TTC3: variants seen among roughly 807,000 people sequenced by gnomAD.
TTC3 encodes E3 ubiquitin-protein ligase TTC3.
Under a neutral mutation model 249.6 loss-of-function variants are expected in TTC3, and 180 were observed. That is an observed-to-expected ratio of 0.72 (90% CI 0.64 to 0.82). TTC3 has a LOEUF of 0.82. Ranked by LOEUF, TTC3 falls within the 40% of genes least tolerant of loss-of-function variation. The pLI, the probability that TTC3 is intolerant of heterozygous loss-of-function variation, is 0.00. For synonymous variants in TTC3, 717 were observed against 805.0 expected, an observed-to-expected ratio of 0.89 and a Z score of 1.85; for missense variants, 2,061 against 2,398.4, an observed-to-expected ratio of 0.86 and a Z score of 2.94.
chr21:37,116,562 A>G (rs1288939613), intron 11 of TTC3, among the ~76,000 whole-genome samples: 2 of 152,072 alleles, frequency 1.3e-5, no homozygotes, highest in Non-Finnish European at 2.9e-5. Flanking sequence ...TAATCCTAGC[A>G]CTTCAGGAGG....
At chr21:37,189,867 G>A (rs2083799535) in intron 39 of TTC3, among the ~76,000 whole-genome samples, 2 of 140,188 alleles carry the variant, frequency 1.4e-5, no homozygotes, top group African/African-American at 5.4e-5. Context: ...GAGCCACCAC[G>A]CCGGCCGGCC....
At chr21:37,102,832 AC>A (rs780158815) in intron 10 of TTC3, among the ~76,000 whole-genome samples, 3 of 152,166 alleles carry the variant, frequency 2.0e-5, no homozygotes, top group Non-Finnish European at 4.4e-5. Flanking sequence ...CCCTGTCTGT[AC>A]TAAAAATACA....
intron 35 of TTC3, among the ~76,000 whole-genome samples, chr21:37,182,561 A>G (rs1418053015): frequency 1.3e-5 from 2 of 152,168 alleles, no homozygotes; most frequent in Non-Finnish European, 2.9e-5. Context: ...AATCAGGTAC[A>G]CGTAGCGGGT....
chr21:37,190,130 CTTTTTTTTTTTTT>C (rs138862573), intron 39 of TTC3, among the ~76,000 whole-genome samples: 2 of 65,024 alleles, frequency 3.1e-5, no homozygotes, highest in Admixed American at 2.4e-4. Flanking sequence ...CTTTTTCTTT[CTTTTTTTTTTTTT>C]TTTTTTTTTT....
chr21:37,084,010 C>T (rs1157210886), intron 1 of TTC3: 1 of 152,098 alleles, frequency 6.6e-6, no homozygotes, highest in Non-Finnish European at 1.5e-5. Flanking sequence ...ATCACTTAGG[C>T]CAAGTGAGCT....
At chr21:37,131,435 G>A (rs2077462016) in intron 16 of TTC3, among the ~76,000 whole-genome samples, 1 of 152,200 alleles carries the variant, frequency 6.6e-6, no homozygotes, top group Non-Finnish European at 1.5e-5. Flanking sequence ...ACATTGATGT[G>A]CTGAGAAAGT....
chr21:37,097,845 G>C (rs1265617193), intron 10 of TTC3: 7 of 603,246 alleles, frequency 1.2e-5, no homozygotes, highest in Non-Finnish European at 2.1e-5. Flanking sequence ...TGGGAGTGGG[G>C]AAGGTAGTAA....
chr21:37,079,287 G>C (rs186703539), intron 1 of TTC3, among the ~76,000 whole-genome samples: 12 of 152,136 alleles, frequency 7.9e-5, no homozygotes, highest in Admixed American at 7.9e-4. Flanking sequence ...CCATGAGTTA[G>C]AGAATAGTTC....
At chr21:37,156,734 C>T (rs748520789) in exon 28 of TTC3, 16 of 1,614,006 alleles carry the variant, frequency 9.9e-6, no homozygotes, top group Non-Finnish European at 1.4e-5. Context: ...TGACTTTCCT[C>T]TGGAATGAGA....
At chr21:37,191,266 G>A (rs2084054822) in intron 39 of TTC3, 68 bp from the exon 40 acceptor site, 6 of 1,077,364 alleles carry the variant, frequency 5.6e-6, no homozygotes, top group African/African-American at 3.3e-5. Context: ...ATGTTTAGAT[G>A]TTTATTTGAC....
rs142638837 is a variant in TTC3, at chr21:37,188,407, A to T, written c.4924-88A>T. Reference sequence around the variant, plus strand: ...TGCTTCATTTAAGGAGAAATGGGAAAGTGGTTTGAATGTTTAAGTTTTAAC... The same window carrying T: ...TGCTTCATTTAAGGAGAAATGGGAATGTGGTTTGAATGTTTAAGTTTTAAC... On this transcript the variant is annotated intron_variant, in intron 38 of 45. Transcript: ENST00000355666. 182 of 903,916 alleles carry T rather than the reference A, an allele frequency of 2.0e-4. 1 individual carries two copies. The African/African-American group carries it at 2.9e-3, about 14-fold the overall frequency. The allele number at this position is 903,916 out of a possible 1,614,324, so 56.0% of individuals were successfully genotyped here. A position where few individuals can be genotyped will look rare whatever the true frequency, so the allele number is the denominator to read the frequency against.
intron 1 of TTC3, among the ~76,000 whole-genome samples, chr21:37,079,534 T>TGC (rs1568840169): frequency 4.2e-5 from 6 of 141,330 alleles, no homozygotes; most frequent in Non-Finnish European, 3.1e-5. Context: ...TTTTTTTTTT[T>TGC]TTTTTTTTTT....
intron 34 of TTC3, among the ~76,000 whole-genome samples, chr21:37,171,105 A>G (rs1288576274): frequency 2.6e-5 from 4 of 152,182 alleles, no homozygotes; most frequent in Non-Finnish European, 5.9e-5. Context: ...TTTAGATTGT[A>G]TCAGCTTTTT....
chr21:37,157,316 G>A, intron 28 of TTC3: 1 of 652,852 alleles, frequency 1.5e-6, no homozygotes, highest in Non-Finnish European at 2.4e-6. Context: ...GTTTTAATGG[G>A]AAGAGCCTAG....
rs576621128 is a variant in TTC3 at position 37,129,402 on chromosome 21, A to AC, written c.1358+342dup. On this transcript the variant is annotated intron_variant, in intron 16 of 45. Coordinates refer to ENST00000355666, the Ensembl canonical transcript of TTC3. ...CCTCCTTCCCTGCTCACCTCATTTGACCCTCCTGCAGTCCCTTCTCTAAGG... is the reference window on the plus strand; with the variant it reads ...CCTCCTTCCCTGCTCACCTCATTTGACCCCTCCTGCAGTCCCTTCTCTAAGG... Among the ~76,000 whole-genome samples the AC allele has an allele frequency of 1.5e-3, 224 of 152,152 alleles. 2 individuals are homozygous for AC. The highest frequency in any genetic ancestry group is 4.9e-3 in the African/African-American group (205 of 41,506).
intron 8 of TTC3, 129 bp downstream of exon 8, chr21:37,094,219 C>A: frequency 1.9e-6 from 1 of 516,962 alleles, no homozygotes; most frequent in African/African-American, 2.0e-5. Context: ...AGGGAAAGAA[C>A]TAATATCTTG....
intron 36 of TTC3, among the ~76,000 whole-genome samples, chr21:37,184,629 A>AATTT (rs2083067639): frequency 8.2e-6 from 1 of 121,580 alleles, no homozygotes; most frequent in Admixed American, 8.5e-5. Context: ...TAATTTTTCT[A>AATTT]TTTTTTTTTT....
At chr21:37,081,085 G>A (rs2071575287) in intron 1 of TTC3, among the ~76,000 whole-genome samples, 1 of 140,784 alleles carries the variant, frequency 7.1e-6, no homozygotes, top group South Asian at 2.3e-4. Context: ...CTTATACAAA[G>A]TGTGCTGCCA....
intron 35 of TTC3, among the ~76,000 whole-genome samples, chr21:37,176,236 G>C (rs1284593280): frequency 6.6e-6 from 1 of 152,134 alleles, no homozygotes; most frequent in Non-Finnish European, 1.5e-5. Context: ...AAAATTTGCT[G>C]TTTTAACCAT....
Sources: allele counts gnomAD v4.1 joint callset (sites outside exome capture counted in the v4.1 genomes callset), GRCh38; gene constraint gnomAD v4.1.1; transcripts MANE v1.5; gene names NCBI Gene and HGNC (gene_info 2026-07-23, HGNC 2026-07-21).